CDH20: variants seen among roughly 807,000 people sequenced by gnomAD.
CDH20 encodes the protein cadherin-20.
Under a neutral mutation model 74.2 loss-of-function variants are expected in CDH20, and 29 were observed. The observed-to-expected ratio is 0.39, with a 90% CI of 0.29 to 0.53. The LOEUF is 0.53. Among genes scored for constraint, CDH20 ranks in the 20% least tolerant of loss-of-function variants. The pLI is 0.69. For synonymous variants in CDH20, 469 were observed against 405.4 expected, an observed-to-expected ratio of 1.16 and a Z score of -1.88; for missense variants, 988 against 1,048.3, an observed-to-expected ratio of 0.94 and a Z score of 0.79.
At chr18:61,400,569 T>C (rs1283369543) in intron 1 of CDH20, among the ~76,000 whole-genome samples, 1 of 152,162 alleles carries the variant, frequency 6.6e-6, no homozygotes, top group African/African-American at 2.4e-5. Context: ...GTAATTTCTG[T>C]AGTTGAAAAA....
intron 1 of CDH20, among the ~76,000 whole-genome samples, chr18:61,355,013 A>G (rs936151158): frequency 6.6e-6 from 1 of 152,232 alleles, no homozygotes; most frequent in Non-Finnish European, 1.5e-5. Context: ...TCCGAGGCTG[A>G]CCAGGAGAGA....
chr18:61,411,963 G>A (rs151019859), intron 1 of CDH20, among the ~76,000 whole-genome samples: 10 of 151,960 alleles, frequency 6.6e-5, no homozygotes, highest in African/African-American at 2.2e-4. Flanking sequence ...ACTTACTCAT[G>A]TAACCAAATA....
intron 1 of CDH20, among the ~76,000 whole-genome samples, chr18:61,477,295 A>G (rs1910424073): frequency 6.6e-6 from 1 of 152,192 alleles, no homozygotes; most frequent in Non-Finnish European, 1.5e-5. Context: ...ACCTTCTACA[A>G]TTATCTTCCA....
chr18:61,418,084 C>T (rs1912751238), intron 1 of CDH20, among the ~76,000 whole-genome samples: 1 of 151,986 alleles, frequency 6.6e-6, no homozygotes, highest in African/African-American at 2.4e-5. Context: ...AAAGCAACAA[C>T]AAAAAGTATC....
intron 1 of CDH20, among the ~76,000 whole-genome samples, chr18:61,348,392 T>C (rs10513876): frequency 0.076 from 11,514 of 152,260 alleles, 616 homozygotes; most frequent in Middle Eastern, 0.15. Flanking sequence ...AAATTACACT[T>C]GTGCACCATG....
intron 6 of CDH20, among the ~76,000 whole-genome samples, chr18:61,523,830 C>T (rs1912295834): frequency 6.6e-6 from 1 of 152,088 alleles, no homozygotes; most frequent in African/African-American, 2.4e-5. Flanking sequence ...CTAAACACTG[C>T]ATGTTCTCAC....
chr18:61,411,113 T>C (rs1912482692), intron 1 of CDH20, among the ~76,000 whole-genome samples: 2 of 150,092 alleles, frequency 1.3e-5, no homozygotes, highest in African/African-American at 4.9e-5. Flanking sequence ...GGCAGGAGAA[T>C]GGCGTGAACC....
At chr18:61,358,926 G>A (rs1225558751) in intron 1 of CDH20, among the ~76,000 whole-genome samples, 1 of 146,890 alleles carries the variant, frequency 6.8e-6, no homozygotes, top group African/African-American at 2.5e-5. Context: ...TGGTGCAATG[G>A]ACTTTTTTTT....
chr18:61,545,874 A>G (rs187485360), intron 10 of CDH20, among the ~76,000 whole-genome samples: 74 of 152,280 alleles, frequency 4.9e-4, no homozygotes, highest in African/African-American at 1.8e-3. Context: ...GCTCCCCGCT[A>G]TAGCTTTGAT....
intron 1 of CDH20, among the ~76,000 whole-genome samples, chr18:61,446,329 C>T (rs1410996993): frequency 6.6e-6 from 1 of 152,150 alleles, no homozygotes; most frequent in Admixed American, 6.5e-5. Context: ...AAGGGACCAT[C>T]AAACACAAGA....
intron 1 of CDH20, among the ~76,000 whole-genome samples, chr18:61,397,643 A>C (rs897395071): frequency 6.6e-6 from 1 of 152,116 alleles, no homozygotes; most frequent in African/African-American, 2.4e-5. Flanking sequence ...TGTAAATTCC[A>C]GGAGAACAGA....
chr18:61,513,577 G>T (rs1911865348), intron 6 of CDH20, among the ~76,000 whole-genome samples: 1 of 151,288 alleles, frequency 6.6e-6, no homozygotes, highest in African/African-American at 2.4e-5. Context: ...GTTAGTTGAT[G>T]CAGTTTCTTC....
chr18:61,374,695 G>T (rs1036338667), intron 1 of CDH20, among the ~76,000 whole-genome samples: 45 of 151,962 alleles, frequency 3.0e-4, no homozygotes, highest in African/African-American at 1.1e-3. Flanking sequence ...TTATGGACTT[G>T]AATACCTTGG....
At chr18:61,402,276 C>G (rs551981581) in intron 1 of CDH20, among the ~76,000 whole-genome samples, 1 of 152,122 alleles carries the variant, frequency 6.6e-6, no homozygotes, top group Non-Finnish European at 1.5e-5. Flanking sequence ...GATTCTCATG[C>G]CAGAGGAAGG....
Position 61,538,620 on chromosome 18 carries a change from G to GTTTTTTTTTTTTT in CDH20, c.1409-400_1409-399insTTTTTTTTTTTTT, listed in dbSNP as rs746315637. On this transcript the variant is annotated intron_variant, in intron 8 of 11. Coordinates refer to ENST00000262717, the MANE Select transcript of CDH20 (RefSeq NM_031891.4). ...TGTTTTTGTTTTTGTTTTTGTTTTT[G>GTTTTTTTTTTTTT]TTTTGTTTTTTTTTTTGAGACGGAG... Among the ~76,000 whole-genome samples the GTTTTTTTTTTTTT allele has an allele frequency of 4.1e-4, 17 of 41,560 alleles. 1 individual carries two copies. The highest frequency in any genetic ancestry group is 5.5e-4 in the Non-Finnish European group (11 of 20,012). The allele number at this position is 41,560 out of a possible 152,430, so 27.3% of individuals were successfully genotyped here. A position where few individuals can be genotyped will look rare whatever the true frequency, so the allele number is the denominator to read the frequency against.
chr18:61,538,624 T>G (rs1358103672), intron 8 of CDH20, among the ~76,000 whole-genome samples: 1 of 87,946 alleles, frequency 1.1e-5, no homozygotes, highest in Non-Finnish European at 2.3e-5. Context: ...GTTTTTGTTT[T>G]GTTTTTTTTT....
intron 1 of CDH20, chr18:61,391,518 A>G (rs1353274429): frequency 1.3e-5 from 2 of 152,220 alleles, no homozygotes; most frequent in Non-Finnish European, 2.9e-5. Flanking sequence ...AATATGTAAT[A>G]ATTGATCCAT....
At chr18:61,480,189 C>A (rs1599113776) in intron 1 of CDH20, among the ~76,000 whole-genome samples, 2 of 152,242 alleles carry the variant, frequency 1.3e-5, no homozygotes, top group South Asian at 4.1e-4. Flanking sequence ...TTCCCTCCCC[C>A]AAATTAAGAA....
intron 7 of CDH20, among the ~76,000 whole-genome samples, chr18:61,528,448 C>CACACAT (rs71178979): frequency 0.47 from 66,803 of 142,546 alleles, 16,992 homozygotes; most frequent in East Asian, 0.74. Flanking sequence ...TTGGTTGAGA[C>CACACAT]ACACACACAC....
Sources: allele counts gnomAD v4.1 joint callset (sites outside exome capture counted in the v4.1 genomes callset), GRCh38; gene constraint gnomAD v4.1.1; transcripts MANE v1.5; gene names NCBI Gene and HGNC (gene_info 2026-07-23, HGNC 2026-07-21).